The following GALM variants were observed in gnomAD, a reference collection of about 807,000 sequenced individuals.
GALM encodes the protein aldose 1-epimerase.
A neutral mutation model predicts 37.4 loss-of-function variants in GALM; 43 were observed. That is an observed-to-expected ratio of 1.15 (90% CI 0.90 to 1.48). The LOEUF (loss-of-function observed/expected upper bound fraction) is 1.48. Among genes scored for constraint, GALM ranks in the 40% most tolerant of loss-of-function variants. GALM has a pLI of 0.00. For missense variants in GALM, 456 were observed against 419.1 expected, an observed-to-expected ratio of 1.09 and a Z score of -0.77; for synonymous variants, 199 against 170.6, an observed-to-expected ratio of 1.17 and a Z score of -1.30.
At chr2:38,707,354 T>C (rs1374607013) in intron 4 of GALM, among the ~76,000 whole-genome samples, 2 of 152,070 alleles carry the variant, frequency 1.3e-5, no homozygotes, top group Non-Finnish European at 2.9e-5. Context: ...GACCAAACCC[T>C]GGGAAACTCT....
chr2:38,719,393 T>C (rs1666331251), intron 4 of GALM, among the ~76,000 whole-genome samples: 1 of 149,264 alleles, frequency 6.7e-6, no homozygotes, highest in Non-Finnish European at 1.5e-5. Flanking sequence ...TGCTTGAACC[T>C]GGGAGGTGGA....
intron 3 of GALM, chr2:38,682,318 A>G: frequency 2.3e-6 from 1 of 440,882 alleles, no homozygotes; most frequent in South Asian, 1.6e-5. Context: ...GATTATATCT[A>G]TTACTTCCTC....
At chr2:38,687,916 C>A (rs1010222808) in intron 3 of GALM, among the ~76,000 whole-genome samples, 1 of 151,780 alleles carries the variant, frequency 6.6e-6, no homozygotes, top group African/African-American at 2.4e-5. Context: ...AACCCTGTCT[C>A]AAAAAAACCA....
intron 4 of GALM, among the ~76,000 whole-genome samples, chr2:38,722,857 G>C (rs1224321424): frequency 1.3e-5 from 2 of 152,202 alleles, no homozygotes; most frequent in African/African-American, 4.8e-5. Flanking sequence ...GAGGGAGGTG[G>C]AAAGTGCCTG....
At chr2:38,701,058 G>T (rs1414816897) in intron 4 of GALM, among the ~76,000 whole-genome samples, 1 of 152,212 alleles carries the variant, frequency 6.6e-6, no homozygotes, top group African/African-American at 2.4e-5. Context: ...TTCAGGACCT[G>T]ATTCTAGTTC....
intron 4 of GALM, among the ~76,000 whole-genome samples, chr2:38,706,289 C>G (rs1666035004): frequency 6.6e-6 from 1 of 151,190 alleles, no homozygotes; most frequent in South Asian, 2.1e-4. Context: ...AGGCGTGAGC[C>G]ACCACACCCA....
In GALM at chr2:38,679,732, C is replaced by A. The variant is rs183607082; in HGVS notation, c.346-1548C>A. ...TCTCAGGATCCAGTCCAATGCCACA[C>A]ACTAGCTGTGTGGCCTGGGGCAAGC... On this transcript the variant is annotated intron_variant, in intron 2 of 6. Coordinates refer to ENST00000272252, the MANE Select transcript of GALM (RefSeq NM_138801.3). Among the ~76,000 whole-genome samples the A allele has an allele frequency of 1.5e-3, 230 of 152,332 alleles. 1 individual carries two copies. Among genetic ancestry groups the A allele is most frequent in the African/African-American group, 5.1e-3 (211 of 41,580 alleles).
At chr2:38,705,435 G>A (rs991129214) in intron 4 of GALM, among the ~76,000 whole-genome samples, 16 of 152,208 alleles carry the variant, frequency 1.1e-4, no homozygotes, top group African/African-American at 3.9e-4. Context: ...TCAGAGGGAT[G>A]GGGAGAACCT....
intron 1 of GALM, 68 bp downstream of exon 1, chr2:38,666,419 C>A (rs1664936906): frequency 8.0e-7 from 1 of 1,253,812 alleles, no homozygotes; most frequent in Non-Finnish European, 1.1e-6. Context: ...CCGGATCTAG[C>A]GGGCCACTTG....
chr2:38,721,551 T>A (rs111629661), intron 4 of GALM, among the ~76,000 whole-genome samples: 31,693 of 152,144 alleles, frequency 0.21, 3,673 homozygotes, highest in Admixed American at 0.25. Flanking sequence ...TCTCACTCTG[T>A]CACCCAGGCT....
chr2:38,680,410 A>G (rs1665368470), intron 2 of GALM, among the ~76,000 whole-genome samples: 1 of 152,168 alleles, frequency 6.6e-6, no homozygotes, highest in Admixed American at 6.6e-5. Context: ...AGAAACTTCG[A>G]GATAATTTCT....
At chr2:38,721,670 C>A (rs1305490327) in intron 4 of GALM, among the ~76,000 whole-genome samples, 1 of 152,052 alleles carries the variant, frequency 6.6e-6, no homozygotes, top group African/African-American at 2.4e-5. Flanking sequence ...TGCACCATAC[C>A]ACACCTGGCT....
chr2:38,718,904 C>T (rs1193614713), intron 4 of GALM, among the ~76,000 whole-genome samples: 1 of 151,846 alleles, frequency 6.6e-6, no homozygotes, highest in Non-Finnish European at 1.5e-5. Context: ...AAAATTCATC[C>T]GGGTGAGAGA....
intron 4 of GALM, among the ~76,000 whole-genome samples, chr2:38,693,255 G>A (rs1373888033): frequency 6.6e-6 from 1 of 152,110 alleles, no homozygotes; most frequent in Non-Finnish European, 1.5e-5. Context: ...GGCCGAGGTG[G>A]GCAAATTACT....
In GALM at chr2:38,686,250, T is replaced by TTCTCTCTTTCTCTCTTTCTC. The variant is rs745737173; in HGVS notation, c.553-3560_553-3559insCTCTTTCTCTCTTTCTCTCT. Among the ~76,000 whole-genome samples, 411 of 78,510 alleles carry TTCTCTCTTTCTCTCTTTCTC rather than the reference T, an allele frequency of 5.2e-3. 10 individuals carry two copies. The highest frequency in any genetic ancestry group is 9.9e-3 in the Non-Finnish European group (329 of 33,148). 51.5% of individuals were successfully genotyped at this position (78,510 alleles called of 152,430 possible). A position where few individuals can be genotyped will look rare whatever the true frequency, so the allele number is the denominator to read the frequency against. On this transcript the variant is annotated intron_variant, in intron 3 of 6. Coordinates refer to ENST00000272252, the MANE Select transcript of GALM (RefSeq NM_138801.3). The stretch of plus-strand genomic sequence containing the variant: ...TTTCTTTCTTTCTTTCTTTCTTTCT[T>TTCTCTCTTTCTCTCTTTCTC]TCTTTCTTTCTTTCTTTCTTTCTTT...
chr2:38,722,374 C>T (rs1259806030), intron 4 of GALM, among the ~76,000 whole-genome samples: 1 of 152,144 alleles, frequency 6.6e-6, no homozygotes, highest in Admixed American at 6.6e-5. Context: ...CTAGTGGGCC[C>T]TTGATGCTGT....
intron 4 of GALM, among the ~76,000 whole-genome samples, chr2:38,711,018 T>G (rs1486447990): frequency 6.6e-6 from 1 of 152,074 alleles, no homozygotes; most frequent in Non-Finnish European, 1.5e-5. Flanking sequence ...CCTCCCAAAG[T>G]GCTGGGATTA....
intron 2 of GALM, among the ~76,000 whole-genome samples, chr2:38,680,372 T>C (rs1298616541): frequency 6.6e-6 from 1 of 152,064 alleles, no homozygotes; most frequent in Non-Finnish European, 1.5e-5. Context: ...TTTTTGCCAG[T>C]CTTAGAATCA....
chr2:38,720,636 G>A (rs1174894095), intron 4 of GALM, among the ~76,000 whole-genome samples: 1 of 152,110 alleles, frequency 6.6e-6, no homozygotes, highest in East Asian at 1.9e-4. Flanking sequence ...ATTTAGACAG[G>A]GCACATCTTG....
Sources: allele counts gnomAD v4.1 joint callset (sites outside exome capture counted in the v4.1 genomes callset), GRCh38; gene constraint gnomAD v4.1.1; transcripts MANE v1.5; gene names NCBI Gene and HGNC (gene_info 2026-07-23, HGNC 2026-07-21).